Variants in ZNF541 observed in about 807,000 individuals in gnomAD.
The protein encoded by ZNF541 is zinc finger protein 541.
Under a neutral mutation model 123.5 loss-of-function variants are expected in ZNF541, and 23 were observed. The ratio of observed to expected loss-of-function variants is 0.19; its 90% confidence interval spans 0.13 to 0.26. The LOEUF (loss-of-function observed/expected upper bound fraction) is 0.26, where lower values mean the gene tolerates loss of function less well. Ranked by LOEUF, ZNF541 falls within the 10% of genes least tolerant of loss-of-function variation. The pLI, the probability that ZNF541 is intolerant of heterozygous loss-of-function variation, is 1.00. For missense variants in ZNF541, 1,612 were observed against 1,789.9 expected (o/e 0.90, Z 1.79); for synonymous variants, 751 against 754.5 (o/e 1.00, Z 0.08).
In ZNF541 at chr19:47,538,311, C is replaced by A; in HGVS notation, c.2925G>T (p.Arg975=). 6.5e-7 allele frequency: 1 copy of A among 1,546,064 alleles called. No homozygotes were observed. The highest frequency in any genetic ancestry group is 1.2e-5 in the South Asian group (1 of 83,378). The change falls in exon 9 of 17, where the codon CGG becomes CGT. Residue 975 remains arginine, a synonymous_variant. Transcript: ENST00000391901. The stretch of plus-strand genomic sequence containing the variant: ...GGCAGTCCACCAGGAACATGGGTGA[C>A]CGCAGGCGGCTCTGGTGGCATCCTG... ...GPAGCHQSRL[R]SPMFLVDCLL... is the part of the protein sequence containing the mutation.
chr19:47,521,005 T>G lies in ZNF541; in HGVS notation c.*219A>C. On this transcript the variant is annotated 3_prime_UTR_variant, in exon 17 of 17. Coordinates refer to ENST00000391901, the MANE Select transcript of ZNF541 (RefSeq NM_001277075.3). This position sits in a 1 kb window ranked among gnomAD's most constrained non-coding sequence, Gnocchi z 4.2. ...GGAGAGACTATGAACCTAAGGAGAG[T>G]GGAGCCTCCAGCACCACCGGACAGG... is the stretch of plus-strand genomic sequence containing the variant. 5 of 559,952 alleles carry G rather than the reference T, an allele frequency of 8.9e-6. No homozygotes were observed. Among genetic ancestry groups the G allele is most frequent in the Non-Finnish European group, 1.6e-5 (5 of 317,980 alleles). The allele number at this position is 559,952 out of a possible 1,614,324, so 34.7% of individuals were successfully genotyped here.
At chr19:47,528,715 CAGAAGT>C (rs1599949021) in intron 14 of ZNF541, among the ~76,000 whole-genome samples, 1 of 152,008 alleles carries the variant, frequency 6.6e-6, no homozygotes, top group East Asian at 1.9e-4. Flanking sequence ...GGTTGCCAAG[CAGAAGT>C]AGGACTGCGG....
chr19:47,545,080 C>T lies in ZNF541; in HGVS notation c.1449G>A (p.Ala483=). The part of the protein sequence containing the change: ...PFPAALLRVP[A]EAPSDPRSAS... ...CCGACCTGGGGTCGCTCGGGGCCTCCGCGGGGACCCTGAGGAGCGCGGCAG... is the reference window on the plus strand; with the variant it reads ...CCGACCTGGGGTCGCTCGGGGCCTCTGCGGGGACCCTGAGGAGCGCGGCAG... The change falls in exon 5 of 17, where the codon GCG becomes GCA. Residue 483 remains alanine, a synonymous_variant. Transcript: ENST00000391901. The surrounding 1 kb of genome is among the most constrained non-coding windows in gnomAD (Gnocchi z 7.5). The T allele has an allele frequency of 6.8e-7, 1 of 1,477,534 alleles. No homozygotes were observed. Among genetic ancestry groups the T allele is most frequent in the Non-Finnish European group, 8.9e-7 (1 of 1,117,772 alleles). 91.5% of individuals were successfully genotyped at this position (1,477,534 alleles called of 1,614,324 possible).
rs779706025 is a variant in ZNF541, at chr19:47,555,732, C to T, written c.125G>A (p.Arg42Gln). ...TLNRDLGPNT[R>Q]GFLYAGLSGL... ...ACTCAGGCCAGCATAAAGAAAGCCT[C>T]GCGTGTTGGGACCCAAATCCCGGTT... is the stretch of plus-strand genomic sequence containing the variant. Residue 42 changes from arginine to glutamine, a missense_variant, in exon 3 of 17, where the codon CGA becomes CAA. Arg to Gln is a conservative substitution (Grantham distance 43, BLOSUM62 1). Transcript: ENST00000391901. The T allele has an allele frequency of 1.9e-6, 3 of 1,551,698 alleles. No homozygotes were observed. The highest frequency in any genetic ancestry group is 2.4e-5 in the East Asian group (1 of 40,922).
chr19:47,523,874 A>G (rs1403154137), intron 14 of ZNF541, among the ~76,000 whole-genome samples: 3 of 152,154 alleles, frequency 2.0e-5, no homozygotes, highest in Admixed American at 1.3e-4. Context: ...CATTCCAGAG[A>G]TGGGGAGCAA....
chr19:47,540,827 G>A (rs1025250136), intron 6 of ZNF541, 66 bp downstream of exon 6: 21 of 1,486,048 alleles, frequency 1.4e-5, no homozygotes, highest in Non-Finnish European at 3.7e-6. Context: ...CTTGTCCAGG[G>A]CCGGCACAGG....
intron 14 of ZNF541, among the ~76,000 whole-genome samples, chr19:47,523,972 TGA>T (rs1448065588): frequency 2.0e-5 from 3 of 152,092 alleles, no homozygotes; most frequent in African/African-American, 4.8e-5. Flanking sequence ...TCCAAAAGGA[TGA>T]GAGGGGAAAG....
chr19:47,555,905 A>C lies in ZNF541; in HGVS notation c.-49T>G, dbSNP rs1970804090. 6.7e-7 allele frequency: 1 copy of C among 1,496,318 alleles called. No homozygotes were observed. Among genetic ancestry groups the C allele is most frequent in the Admixed American group, 2.2e-5 (1 of 45,172 alleles). The allele number at this position is 1,496,318 out of a possible 1,614,324, so 92.7% of individuals were successfully genotyped here. On this transcript the variant is annotated 5_prime_UTR_variant, in exon 3 of 17. Coordinates refer to ENST00000391901, the MANE Select transcript of ZNF541 (RefSeq NM_001277075.3). ...CCAAAAGCTACTCTCCAGATAAGCA[A>C]AACCATGTAAGGAGACAGGGAGGAG... is the stretch of plus-strand genomic sequence containing the variant.
At chr19:47,569,333 T>A (rs1184865033) in intron 2 of ZNF541, among the ~76,000 whole-genome samples, 1 of 152,136 alleles carries the variant, frequency 6.6e-6, no homozygotes, top group African/African-American at 2.4e-5. Context: ...TTGTATGTCA[T>A]CGTATTTAAT....
At chr19:47,564,265 C>A (rs980718059) in intron 2 of ZNF541, among the ~76,000 whole-genome samples, 3 of 152,250 alleles carry the variant, frequency 2.0e-5, no homozygotes, top group African/African-American at 7.2e-5. Context: ...GTCCACAGAA[C>A]AAACTGGTCA....
chr19:47,566,551 G>C (rs1421546960), intron 2 of ZNF541, among the ~76,000 whole-genome samples: 1 of 151,910 alleles, frequency 6.6e-6, no homozygotes, highest in Non-Finnish European at 1.5e-5. Context: ...TTCAAGACCA[G>C]CCTGACCAAT....
rs766822136 is a variant in ZNF541 at position 47,544,508 on chromosome 19, G to C, written c.2021C>G (p.Ser674Cys). The C allele has an allele frequency of 4.5e-6, 7 of 1,551,592 alleles. No individual in the cohort carries two copies. The highest frequency in any genetic ancestry group is 2.7e-5 in the African/African-American group (2 of 73,060). The change falls in exon 5 of 17, where the codon TCT becomes TGT. Residue 674 changes from serine (S) to cysteine (C), a missense_variant. Around this residue, in one of 5 missense-constraint regions of ZNF541, gnomAD observed 1,080 missense variants for 1,013.8 expected, o/e 1.07. Coordinates refer to ENST00000391901, the MANE Select transcript of ZNF541 (RefSeq NM_001277075.3). Reference protein sequence around the residue: ...SLDPSRNPDISSLAKQLRSSK... With the variant: ...SLDPSRNPDICSLAKQLRSSK... ...GGATCGCAGCTGCTTGGCCAGAGAA[G>C]AGATGTCTGGATTCCTGGAAGGGTC...
Position 47,544,412 on chromosome 19 carries a change from T to A in ZNF541, c.2117A>T (p.Glu706Val), listed in dbSNP as rs953277934. Reference protein sequence around the residue: ...TGQRQTQLGGEEPPGASLPGK... With the variant: ...TGQRQTQLGGVEPPGASLPGK... ...TGGCAGCGAGGCTCCTGGTGGCTCC[T>A]CCCCACCTAACTGGGTCTGCCGTTG... Residue 706 changes from glutamate (E) to valine (V), a missense_variant, in exon 5 of 17, where the codon GAG becomes GTG. By Grantham distance (121) the Glu-to-Val change is moderately radical. This residue lies in a region of ZNF541 where 1,080 missense variants were observed against 1,013.8 expected (regional missense o/e 1.07). Transcript: ENST00000391901. The A allele has an allele frequency of 2.0e-5, 31 of 1,551,488 alleles. No individual in the cohort carries two copies. The East Asian group carries it at 7.3e-4, about 37-fold the overall frequency.
At position 47,538,143 on chromosome 19, in the gene ZNF541, G is replaced by A. The variant is rs762584094; in HGVS notation, c.3093C>T (p.Leu1031=). ...ASPDQLISSM[L]DQVDGSFGIC... Reference sequence around the variant, plus strand: ...AGTGAGTGCCCCAGCCTCACTCACCGAGCATGGAGCTGATGAGCTGGTCAG... The same window carrying A: ...AGTGAGTGCCCCAGCCTCACTCACCAAGCATGGAGCTGATGAGCTGGTCAG... The change falls in exon 9 of 17, where the codon CTC becomes CTT. Residue 1031 remains leucine, a splice_region_variant and synonymous_variant. Coordinates refer to ENST00000391901, the MANE Select transcript of ZNF541 (RefSeq NM_001277075.3). 20 of 1,550,320 alleles carry A rather than the reference G, an allele frequency of 1.3e-5. No individual in the cohort carries two copies. Among genetic ancestry groups the A allele is most frequent in the South Asian group, 6.0e-5 (5 of 83,986 alleles).
chr19:47,524,628 A>G (rs2122863525), intron 14 of ZNF541, among the ~76,000 whole-genome samples: 1 of 151,606 alleles, frequency 6.6e-6, no homozygotes, highest in South Asian at 2.1e-4. Flanking sequence ...GAATCGCTTG[A>G]ACCCAGGAGG....
At chr19:47,522,051 C>A in intron 14 of ZNF541, 57 bp from the exon 15 acceptor site, 10 of 1,543,238 alleles carry the variant, frequency 6.5e-6, no homozygotes, top group Non-Finnish European at 7.0e-6. Context: ...GGGAGTGTGA[C>A]CTTGCCATTG....
intron 9 of ZNF541, 37 bp downstream of exon 9, chr19:47,538,105 C>G: frequency 6.5e-7 from 1 of 1,547,836 alleles, no homozygotes; most frequent in East Asian, 2.4e-5. Flanking sequence ...GGCAATCCAC[C>G]CTGGGATCAC....
chr19:47,558,731 C>T (rs902019788), intron 2 of ZNF541, among the ~76,000 whole-genome samples: 1 of 151,096 alleles, frequency 6.6e-6, no homozygotes, highest in Non-Finnish European at 1.5e-5. Context: ...AGGTGCCCAC[C>T]ACCACGCCCA....
chr19:47,552,338 G>C (rs1271849232), intron 3 of ZNF541, among the ~76,000 whole-genome samples: 1 of 152,072 alleles, frequency 6.6e-6, no homozygotes, highest in Admixed American at 6.6e-5. Context: ...AACTGGGCTG[G>C]GAGTCTTGAG....
Sources: gnomAD v4.1 joint callset for allele counts (sites outside exome capture counted in the v4.1 genomes callset) on GRCh38, gnomAD v4.1.1 for gene constraint, gnomAD v4.1.1 regional missense constraint, Gnocchi (gnomAD v3.1) non-coding constraint, MANE v1.5 for transcripts, NCBI Gene and HGNC (gene_info 2026-07-23, HGNC 2026-07-21) for gene names.